Variants in GRID2 observed in about 807,000 individuals in gnomAD.
GRID2 encodes glutamate ionotropic receptor delta type subunit 2, also known as glutamate receptor ionotropic, delta-2.
A neutral mutation model predicts 114.8 loss-of-function variants in GRID2; 33 were observed. The observed-to-expected ratio is 0.29, with a 90% confidence interval of 0.22 to 0.38. The LOEUF is 0.38. Among genes scored for constraint, GRID2 ranks in the 10% least tolerant of loss-of-function variants. The probability of loss-of-function intolerance (pLI) is 1.00; values close to 1 mark genes in which losing one functional copy is unlikely to be tolerated. For missense variants in GRID2, 1,184 were observed against 1,257.7 expected (o/e 0.94, Z 0.89); for synonymous variants, 505 against 449.9 (o/e 1.12, Z -1.55).
At chr4:93,673,132 A>C (rs1402809224) in intron 14 of GRID2, among the ~76,000 whole-genome samples, 1 of 152,186 alleles carries the variant, frequency 6.6e-6, no homozygotes, top group African/African-American at 2.4e-5. Flanking sequence ...AGCAACATCC[A>C]CCTACTTATA....
chr4:92,318,251 G>T (rs1163834558), intron 1 of GRID2, among the ~76,000 whole-genome samples: 1 of 148,334 alleles, frequency 6.7e-6, no homozygotes, highest in East Asian at 2.0e-4. Context: ...TATTTATTAA[G>T]TTGGGTGGTT....
chr4:92,790,186 A>G (rs1306514585), intron 2 of GRID2, among the ~76,000 whole-genome samples: 1 of 151,846 alleles, frequency 6.6e-6, no homozygotes, highest in Non-Finnish European at 1.5e-5. Flanking sequence ...ATGTATGTGT[A>G]CATAGATACT....
At chr4:93,308,820 A>G (rs1403691320) in intron 8 of GRID2, among the ~76,000 whole-genome samples, 1 of 152,208 alleles carries the variant, frequency 6.6e-6, no homozygotes, top group Non-Finnish European at 1.5e-5. Context: ...TCATCACATC[A>G]TGTAATGAAG....
intron 1 of GRID2, among the ~76,000 whole-genome samples, chr4:92,538,989 C>T (rs1468442139): frequency 1.3e-5 from 2 of 150,872 alleles, no homozygotes; most frequent in African/African-American, 4.9e-5. Flanking sequence ...TTGCAGTGAG[C>T]CGAGATCACT....
chr4:92,801,346 G>A (rs1295938281), intron 2 of GRID2, among the ~76,000 whole-genome samples: 1 of 151,816 alleles, frequency 6.6e-6, no homozygotes, highest in African/African-American at 2.4e-5. Context: ...TAATCATATG[G>A]ATGAAATTTT....
At chr4:92,512,714 T>A (rs961323378) in intron 1 of GRID2, among the ~76,000 whole-genome samples, 3 of 151,860 alleles carry the variant, frequency 2.0e-5, no homozygotes, top group Non-Finnish European at 4.4e-5. Flanking sequence ...TTTCAGAATC[T>A]ACCTTAATAG....
At chr4:92,710,383 C>T (rs541974053) in intron 2 of GRID2, among the ~76,000 whole-genome samples, 1 of 152,132 alleles carries the variant, frequency 6.6e-6, no homozygotes, top group Non-Finnish European at 1.5e-5. Context: ...TAAAGATAAC[C>T]AAAGTCTTAT....
intron 2 of GRID2, among the ~76,000 whole-genome samples, chr4:93,009,610 T>C (rs538946463): frequency 4.5e-4 from 68 of 152,276 alleles, no homozygotes; most frequent in Admixed American, 9.8e-4. Flanking sequence ...CTAACATATG[T>C]AGTTGAAGTC....
chr4:92,542,347 T>C (rs1199855439), intron 1 of GRID2, among the ~76,000 whole-genome samples: 1 of 152,114 alleles, frequency 6.6e-6, no homozygotes, highest in Non-Finnish European at 1.5e-5. Flanking sequence ...TTTTCTTGAA[T>C]GTGATCAAAA....
intron 2 of GRID2, among the ~76,000 whole-genome samples, chr4:92,906,343 C>T (rs1437386412): frequency 6.8e-6 from 1 of 147,566 alleles, no homozygotes; most frequent in African/African-American, 2.5e-5. Flanking sequence ...GTGCTCTAGG[C>T]AGAGCTTTTA....
rs567827126 is a variant in GRID2 at position 93,433,077 on chromosome 4, A to G, written c.1545+10109A>G. On this transcript the variant is annotated intron_variant, in intron 10 of 15. Transcript: ENST00000282020. ...AGAGTGAGATCCGTCTCCAATAATG[A>G]TTGTAAGGTTCATTAACTGTAACAA... 2.0e-5 allele frequency among the ~76,000 whole-genome samples: 3 copies of G among 152,262 alleles called. No individual in the cohort carries two copies. In the East Asian group the frequency reaches 5.8e-4, roughly 29 times the overall value.
chr4:93,336,350 T>C (rs1553912305), intron 8 of GRID2, among the ~76,000 whole-genome samples: 1 of 152,222 alleles, frequency 6.6e-6, no homozygotes, highest in Non-Finnish European at 1.5e-5. Context: ...TTTATGCTAA[T>C]GTAGGTAGCT....
intron 14 of GRID2, among the ~76,000 whole-genome samples, chr4:93,661,790 T>C (rs1279482073): frequency 1.3e-5 from 2 of 152,168 alleles, no homozygotes; most frequent in African/African-American, 4.8e-5. Flanking sequence ...GGCAGCACCC[T>C]TGCTTCCACT....
At chr4:93,712,672 A>G (rs1481469529) in intron 14 of GRID2, among the ~76,000 whole-genome samples, 1 of 152,136 alleles carries the variant, frequency 6.6e-6, no homozygotes, top group Admixed American at 6.6e-5. Context: ...AATGCCTGTG[A>G]AAGTATTCAA....
chr4:92,796,570 C>T (rs1048619491), intron 2 of GRID2, among the ~76,000 whole-genome samples: 1 of 151,820 alleles, frequency 6.6e-6, no homozygotes, highest in African/African-American at 2.4e-5. Flanking sequence ...CTCTTCCTTA[C>T]TAATAAATGT....
At chr4:93,617,797 C>T (rs1404745233) in intron 13 of GRID2, among the ~76,000 whole-genome samples, 1 of 152,104 alleles carries the variant, frequency 6.6e-6, no homozygotes, top group Non-Finnish European at 1.5e-5. Flanking sequence ...CCTCAGCACT[C>T]ACAGCAGTGC....
At chr4:93,097,382 T>G (rs1250602892) in intron 3 of GRID2, among the ~76,000 whole-genome samples, 1 of 151,730 alleles carries the variant, frequency 6.6e-6, no homozygotes, top group Non-Finnish European at 1.5e-5. Context: ...AATATCATAA[T>G]TTTAAACTAA....
rs146439637 is a variant in GRID2, at chr4:93,298,758, A to G, written c.1245+60268A>G. ...CAGATCTTCCTGACATATCTTCTTA[A>G]TTCCATGTACCTTTGCTTTGCAGCA... is the stretch of plus-strand genomic sequence containing the variant. On this transcript the variant is annotated intron_variant, in intron 8 of 15. Coordinates refer to ENST00000282020, the MANE Select transcript of GRID2 (RefSeq NM_001510.4). Among the ~76,000 whole-genome samples, 1,087 of 152,276 alleles carry G rather than the reference A, an allele frequency of 7.1e-3. 18 individuals are homozygous for G. Among genetic ancestry groups the G allele is most frequent in the African/African-American group, 0.025 (1,027 of 41,556 alleles).
At chr4:93,683,773 C>G (rs1041952832) in intron 14 of GRID2, among the ~76,000 whole-genome samples, 2 of 151,758 alleles carry the variant, frequency 1.3e-5, no homozygotes. Context: ...AAAGTATAAG[C>G]TATCCACAAT....
Sources: gnomAD v4.1 joint callset for allele counts (sites outside exome capture counted in the v4.1 genomes callset) on GRCh38, gnomAD v4.1.1 for gene constraint, MANE v1.5 for transcripts, NCBI Gene and HGNC (gene_info 2026-07-23, HGNC 2026-07-21) for gene names.